The following KCNIP1 variants were observed in gnomAD, a reference collection of about 807,000 sequenced individuals.
The protein encoded by KCNIP1 is A-type potassium channel modulatory protein KCNIP1.
KCNIP1 carries 18 observed loss-of-function variants against 33.0 expected under a neutral mutation model. That is an observed-to-expected ratio of 0.55 (90% CI 0.38 to 0.81). KCNIP1 has a LOEUF of 0.81. Among genes scored for constraint, KCNIP1 ranks in the 30% least tolerant of loss-of-function variants. The pLI, the probability that KCNIP1 is intolerant of heterozygous loss-of-function variation, is 0.00. For missense variants in KCNIP1, 238 were observed against 271.6 expected (o/e 0.88, Z 0.87); for synonymous variants, 93 against 98.3 (o/e 0.95, Z 0.32).
chr5:170,495,480 C>T (rs796680648), intron 1 of KCNIP1, among the ~76,000 whole-genome samples: 2 of 152,164 alleles, frequency 1.3e-5, no homozygotes, highest in East Asian at 1.9e-4. Flanking sequence ...TAGAGGGGAA[C>T]CCTAGGCTGT....
intron 1 of KCNIP1, among the ~76,000 whole-genome samples, chr5:170,572,065 G>A (rs1338497556): frequency 1.3e-5 from 2 of 152,096 alleles, no homozygotes; most frequent in Non-Finnish European, 2.9e-5. Flanking sequence ...AGTGATGGGG[G>A]CTGGGGTGAA....
At chr5:170,713,123 A>C (rs540637655) in intron 1 of KCNIP1, among the ~76,000 whole-genome samples, 1 of 152,228 alleles carries the variant, frequency 6.6e-6, no homozygotes, top group Non-Finnish European at 1.5e-5. Context: ...ATTTGTAAAA[A>C]CTCAGAGCCC....
At chr5:170,359,274 A>G (rs1763437634) in intron 1 of KCNIP1, among the ~76,000 whole-genome samples, 1 of 152,152 alleles carries the variant, frequency 6.6e-6, no homozygotes. Flanking sequence ...GGTGTGGGAA[A>G]ATACACACAA....
intron 1 of KCNIP1, among the ~76,000 whole-genome samples, chr5:170,468,365 G>T (rs928054914): frequency 1.3e-5 from 2 of 152,046 alleles, no homozygotes; most frequent in African/African-American, 2.4e-5. Context: ...TTTCTCAAAG[G>T]TACTCTTAAA....
intron 1 of KCNIP1, among the ~76,000 whole-genome samples, chr5:170,552,633 A>T (rs929645895): frequency 6.6e-6 from 1 of 152,194 alleles, no homozygotes; most frequent in African/African-American, 2.4e-5. Flanking sequence ...GTTGGACCAC[A>T]GGAAATGCAG....
chr5:170,537,542 C>A (rs1433005115), intron 1 of KCNIP1, among the ~76,000 whole-genome samples: 2 of 152,172 alleles, frequency 1.3e-5, no homozygotes, highest in African/African-American at 4.8e-5. Context: ...GTCCTCAGGA[C>A]CCCCTCTCCA....
At chr5:170,729,776 T>C (rs1280294314) in intron 5 of KCNIP1, among the ~76,000 whole-genome samples, 1 of 152,120 alleles carries the variant, frequency 6.6e-6, no homozygotes, top group Non-Finnish European at 1.5e-5. Flanking sequence ...GCTGAAAGTG[T>C]TCTGATAATA....
chr5:170,453,163 A>G (rs1304567516), intron 1 of KCNIP1, among the ~76,000 whole-genome samples: 2 of 152,244 alleles, frequency 1.3e-5, no homozygotes, highest in African/African-American at 4.8e-5. Flanking sequence ...GACTTGAAAG[A>G]ACATTAGAAA....
At chr5:170,673,534 T>C (rs1446569326) in intron 1 of KCNIP1, among the ~76,000 whole-genome samples, 1 of 152,216 alleles carries the variant, frequency 6.6e-6, no homozygotes, top group Non-Finnish European at 1.5e-5. Context: ...GGCTAGTGAA[T>C]AACCACTCTG....
At chr5:170,686,350 G>A (rs1762537120) in intron 1 of KCNIP1, among the ~76,000 whole-genome samples, 1 of 152,010 alleles carries the variant, frequency 6.6e-6, no homozygotes, top group Non-Finnish European at 1.5e-5. Context: ...AGGTGAGAAT[G>A]AGAGAGAGGG....
At chr5:170,393,936 GT>G (rs1011980814) in intron 1 of KCNIP1, among the ~76,000 whole-genome samples, 1 of 152,068 alleles carries the variant, frequency 6.6e-6, no homozygotes, top group Non-Finnish European at 1.5e-5. Context: ...GGTAAGGTTG[GT>G]TTTTTTAAAA....
chr5:170,540,830 C>A (rs1295768059), intron 1 of KCNIP1, among the ~76,000 whole-genome samples: 1 of 152,198 alleles, frequency 6.6e-6, no homozygotes, highest in Non-Finnish European at 1.5e-5. Context: ...ATAAGAACCT[C>A]AGACACTTCC....
chr5:170,589,794 T>TGTGCGGTGCGGTGCGGTGCG (rs149120148), intron 1 of KCNIP1, among the ~76,000 whole-genome samples: 2,134 of 113,114 alleles, frequency 0.019, 52 homozygotes, highest in East Asian at 0.042. Context: ...TGTGATGTGG[T>TGTGCGGTGCGGTGCGGTGCG]GTGCGGTGCG....
At chr5:170,383,622 A>C in intron 1 of KCNIP1, 1 of 1,588,256 alleles carries the variant, frequency 6.3e-7, no homozygotes, top group Non-Finnish European at 8.6e-7. Context: ...AGTTAGGAAC[A>C]GGCTCACACA....
intron 1 of KCNIP1, among the ~76,000 whole-genome samples, chr5:170,498,537 C>G (rs151061914): frequency 1.7e-3 from 252 of 152,298 alleles, no homozygotes; most frequent in Middle Eastern, 0.014. Context: ...CCTTCCTAGC[C>G]TGAATGCAAT....
chr5:170,483,422 C>T lies in KCNIP1; in HGVS notation c.88+129458C>T, dbSNP rs541510990. ...TCCTCTCCATTTTAAGACCACATCT[C>T]CTGTCTGCTACAGCCCCTCTCGCTT... On this transcript the variant is annotated intron_variant, in intron 1 of 7. Coordinates refer to the KCNIP1 transcript ENST00000377360. Among the ~76,000 whole-genome samples the T allele has an allele frequency of 2.0e-4, 31 of 152,354 alleles. No individual in the cohort carries two copies. The South Asian group carries it at 4.3e-3, about 21-fold the overall frequency.
chr5:170,610,791 T>C (rs1235821266), intron 1 of KCNIP1, among the ~76,000 whole-genome samples: 1 of 152,250 alleles, frequency 6.6e-6, no homozygotes, highest in Non-Finnish European at 1.5e-5. Context: ...TATGAACTGC[T>C]AGAGTGTGTT....
intron 1 of KCNIP1, among the ~76,000 whole-genome samples, chr5:170,402,837 T>C (rs746413551): frequency 9.9e-5 from 15 of 152,212 alleles, no homozygotes; most frequent in Admixed American, 2.0e-4. Flanking sequence ...ATTCATTTAC[T>C]TATTCTTCAT....
At chr5:170,390,490 G>A (rs1383549246) in intron 1 of KCNIP1, among the ~76,000 whole-genome samples, 81 of 89,158 alleles carry the variant, frequency 9.1e-4, no homozygotes, top group Non-Finnish European at 1.4e-3. Flanking sequence ...TGAACAGAGC[G>A]AGACCCCGTC....
Sources: allele counts gnomAD v4.1 joint callset (sites outside exome capture counted in the v4.1 genomes callset), GRCh38; gene constraint gnomAD v4.1.1; transcripts MANE v1.5; gene names NCBI Gene and HGNC (gene_info 2026-07-23, HGNC 2026-07-21).